Variants in MATN2 observed in about 807,000 individuals in gnomAD.
The protein encoded by MATN2 is matrilin 2.
Under a neutral mutation model 103.2 loss-of-function variants are expected in MATN2, and 69 were observed. The observed-to-expected ratio is 0.67, with a 90% CI of 0.55 to 0.82. MATN2 has a LOEUF of 0.82. Among genes scored for constraint, MATN2 ranks in the 40% least tolerant of loss-of-function variants. MATN2 has a pLI of 0.00. For synonymous variants in MATN2, 429 were observed against 450.2 expected (o/e 0.95, Z 0.60); for missense variants, 1,023 against 1,211.5 (o/e 0.84, Z 2.31).
rs763410357 is a variant in MATN2 at position 97,931,275 on chromosome 8, G to T, written c.465G>T (p.Arg155=). ...CATTCTCAGAAGCAGAGGGGGCCCG[G>T]CCCCTGAGGGAGAATGTGCCACGGG... is the stretch of plus-strand genomic sequence containing the variant. The part of the protein sequence containing the change: ...NIAFSEAEGA[R]PLRENVPRVI... The change falls in exon 3 of 19, where the codon CGG becomes CGT. Residue 155 remains arginine (R), a synonymous_variant. Transcript: ENST00000254898. The surrounding 1 kb of genome is among the most constrained non-coding windows in gnomAD (Gnocchi z 4.1). The T allele has an allele frequency of 1.9e-6, 3 of 1,613,804 alleles. No individual in the cohort carries two copies. The Admixed American group carries it at 5.0e-5, about 27-fold the overall frequency.
chr8:97,904,240 AGGG>A (rs1307005786), intron 2 of MATN2, among the ~76,000 whole-genome samples: 4 of 152,348 alleles, frequency 2.6e-5, no homozygotes, highest in Middle Eastern at 3.4e-3. Flanking sequence ...TCCCTTCTGT[AGGG>A]GAAATATGTT....
intron 10 of MATN2, among the ~76,000 whole-genome samples, chr8:98,009,725 C>T (rs1034034831): frequency 4.6e-5 from 7 of 152,198 alleles, no homozygotes; most frequent in Non-Finnish European, 8.8e-5. Flanking sequence ...TGCACAGACT[C>T]AGGGTGTGGG....
chr8:97,900,878 T>C (rs1219338001), intron 2 of MATN2, among the ~76,000 whole-genome samples: 1 of 152,054 alleles, frequency 6.6e-6, no homozygotes, highest in Non-Finnish European at 1.5e-5. Flanking sequence ...GAGCTTGCAG[T>C]GAGCCGAGAT....
chr8:97,906,625 A>G lies in MATN2; in HGVS notation c.142+18383A>G, dbSNP rs114867167. Among the ~76,000 whole-genome samples, 549 of 152,360 alleles carry G rather than the reference A, an allele frequency of 3.6e-3. 3 individuals carry two copies. Among genetic ancestry groups the G allele is most frequent in the African/African-American group, 0.012 (509 of 41,586 alleles). On this transcript the variant is annotated intron_variant, in intron 2 of 18. Transcript: ENST00000254898. ...TAATCCCTGTTTGCAAATCACTGCA[A>G]TGTAGAACTACCATGCACCACCACA... is the stretch of plus-strand genomic sequence containing the variant.
At position 97,916,041 on chromosome 8, in the gene MATN2, TTTTTATTTTATTTTA is replaced by T. The variant is rs141785984; in HGVS notation, c.143-14882_143-14868del. The stretch of plus-strand genomic sequence containing the variant: ...AATGTTTTAATATCACTGGCTATGG[TTTTTATTTTATTTTA>T]TTTTATTTTATTTTATTTTATTTTA... On this transcript the variant is annotated intron_variant, in intron 2 of 18. Coordinates refer to ENST00000254898, the MANE Select transcript of MATN2 (RefSeq NM_002380.5). 1.2e-3 allele frequency among the ~76,000 whole-genome samples: 178 copies of T among 145,318 alleles called. 1 individual carries two copies. The highest frequency in any genetic ancestry group is 3.6e-3 in the African/African-American group (145 of 39,790).
At chr8:97,889,623 T>C (rs1411220783) in intron 2 of MATN2, among the ~76,000 whole-genome samples, 1 of 151,796 alleles carries the variant, frequency 6.6e-6, no homozygotes, top group African/African-American at 2.4e-5. Context: ...TTTGTATTTT[T>C]AGTAGAGATG....
intron 2 of MATN2, among the ~76,000 whole-genome samples, chr8:97,908,048 T>C (rs1819242030): frequency 6.6e-6 from 1 of 152,064 alleles, no homozygotes; most frequent in Non-Finnish European, 1.5e-5. Context: ...TGCCTTGTGG[T>C]AAAAGATGGG....
intron 6 of MATN2, among the ~76,000 whole-genome samples, chr8:97,980,857 C>CA (rs1301096020): frequency 6.6e-6 from 1 of 152,080 alleles, no homozygotes; most frequent in African/African-American, 2.4e-5. Context: ...GCATGAGCCA[C>CA]AGCACCCGGC....
At chr8:97,915,501 C>T (rs1429817559) in intron 2 of MATN2, among the ~76,000 whole-genome samples, 1 of 152,198 alleles carries the variant, frequency 6.6e-6, no homozygotes, top group African/African-American at 2.4e-5. Flanking sequence ...GGCTGTGGAA[C>T]CTTGTGCCCT....
At chr8:97,917,488 A>G (rs1480240271) in intron 2 of MATN2, among the ~76,000 whole-genome samples, 1 of 152,234 alleles carries the variant, frequency 6.6e-6, no homozygotes, top group Non-Finnish European at 1.5e-5. Context: ...GAATGGCATC[A>G]GCTGCTTGCT....
At chr8:97,907,333 A>G (rs1819209048) in intron 2 of MATN2, among the ~76,000 whole-genome samples, 2 of 124,298 alleles carry the variant, frequency 1.6e-5, no homozygotes, top group African/African-American at 6.2e-5. Context: ...TTTTTTTGAG[A>G]TGGAGTCTCG....
chr8:97,952,953 C>T (rs1039662883), intron 4 of MATN2, among the ~76,000 whole-genome samples: 1 of 123,976 alleles, frequency 8.1e-6, no homozygotes, highest in African/African-American at 3.1e-5. Flanking sequence ...GACAGGATCT[C>T]GCTCTGTCTC....
chr8:97,910,206 G>A (rs1308711560), intron 2 of MATN2, among the ~76,000 whole-genome samples: 1 of 151,662 alleles, frequency 6.6e-6, no homozygotes, highest in Non-Finnish European at 1.5e-5. Flanking sequence ...GGACTACAGG[G>A]GCGTGCCACC....
chr8:97,965,883 C>G (rs1415875310), intron 5 of MATN2, among the ~76,000 whole-genome samples: 10 of 152,136 alleles, frequency 6.6e-5, no homozygotes, highest in African/African-American at 2.4e-4. Context: ...ACTCCAGAGG[C>G]TGAGGCAGGA....
rs779522623 is a variant in MATN2, at chr8:98,033,205, A to AT, written c.2716+30dup. The AT allele has an allele frequency of 3.2e-6, 5 of 1,567,574 alleles. No homozygotes were observed. The East Asian group carries it at 1.1e-4, about 36-fold the overall frequency. On this transcript the variant is annotated intron_variant, in intron 17 of 18. Coordinates refer to ENST00000254898, the MANE Select transcript of MATN2 (RefSeq NM_002380.5). ...ATTCCAAGTAAAATATTACTATAAG[A>AT]TAACTTGATCTCAGCCTTTCGGCTT...
intron 4 of MATN2, among the ~76,000 whole-genome samples, chr8:97,944,900 T>C (rs1267941513): frequency 2.6e-5 from 4 of 152,240 alleles, no homozygotes; most frequent in African/African-American, 9.6e-5. Context: ...AAAAGCCATG[T>C]GGGTGACACC....
chr8:98,012,891 T>C (rs1350395462), intron 10 of MATN2, among the ~76,000 whole-genome samples: 1 of 152,180 alleles, frequency 6.6e-6, no homozygotes. Flanking sequence ...TCATCTTTAA[T>C]GAAGGGGTTG....
chr8:97,960,211 C>T (rs1039788341), intron 4 of MATN2, among the ~76,000 whole-genome samples: 19 of 152,206 alleles, frequency 1.2e-4, no homozygotes, highest in African/African-American at 4.6e-4. Flanking sequence ...CCCGCCTTGG[C>T]CTCCCAAAGT....
At chr8:97,989,951 G>A (rs1812337311) in intron 6 of MATN2, among the ~76,000 whole-genome samples, 1 of 152,144 alleles carries the variant, frequency 6.6e-6, no homozygotes, top group South Asian at 2.1e-4. Context: ...GGAGACCAAA[G>A]CAGGTGGATC....
Sources: gnomAD v4.1 joint callset for allele counts (sites outside exome capture counted in the v4.1 genomes callset) on GRCh38, gnomAD v4.1.1 for gene constraint, Gnocchi (gnomAD v3.1) non-coding constraint, MANE v1.5 for transcripts, NCBI Gene and HGNC (gene_info 2026-07-23, HGNC 2026-07-21) for gene names.